Variants in DCDC1 observed in about 807,000 individuals in gnomAD.
DCDC1 encodes the protein doublecortin domain containing 1.
In DCDC1, 200 loss-of-function variants were observed where a neutral mutation model predicts 178.3. The ratio of observed to expected loss-of-function variants is 1.12; its 90% CI spans 1.00 to 1.26. The LOEUF (loss-of-function observed/expected upper bound fraction) is 1.26. Ranked by LOEUF, DCDC1 falls within the 50% of genes most tolerant of loss-of-function variation. The pLI is 0.00. For missense variants in DCDC1, 1,983 were observed against 1,749.2 expected (o/e 1.13, Z -2.38); for synonymous variants, 690 against 604.8 (o/e 1.14, Z -2.07).
intron 24 of DCDC1, 77 bp downstream of exon 24, chr11:30,922,424 CTT>C: frequency 7.1e-7 from 1 of 1,401,152 alleles, no homozygotes; most frequent in Non-Finnish European, 9.3e-7. Flanking sequence ...TTTAAACAAA[CTT>C]TGACTTTTTA....
chr11:30,871,931 T>C (rs1941619662), intron 38 of DCDC1, among the ~76,000 whole-genome samples: 1 of 151,868 alleles, frequency 6.6e-6, no homozygotes. Context: ...CATATATACA[T>C]ACACACACAC....
chr11:30,939,784 T>C (rs571589066), intron 21 of DCDC1, among the ~76,000 whole-genome samples: 47 of 152,244 alleles, frequency 3.1e-4, no homozygotes, highest in Non-Finnish European at 8.8e-5. Flanking sequence ...TGATTTATCA[T>C]GTCTTGAAAA....
intron 9 of DCDC1, among the ~76,000 whole-genome samples, chr11:31,222,764 TG>T (rs1013179310): frequency 1.2e-4 from 19 of 152,144 alleles, no homozygotes; most frequent in Non-Finnish European, 2.4e-4. Flanking sequence ...GTATGCTCTC[TG>T]GTGTCTTGCC....
intron 20 of DCDC1, among the ~76,000 whole-genome samples, chr11:31,058,887 T>C (rs1413740623): frequency 6.6e-6 from 1 of 152,134 alleles, no homozygotes; most frequent in Non-Finnish European, 1.5e-5. Flanking sequence ...CTCCTCTTTT[T>C]TCATCCATAT....
At chr11:31,075,314 C>G (rs113032502) in intron 18 of DCDC1, among the ~76,000 whole-genome samples, 5 of 152,020 alleles carry the variant, frequency 3.3e-5, no homozygotes, top group Non-Finnish European at 7.4e-5. Flanking sequence ...TAGGTTGATT[C>G]CCTATCTTTG....
In DCDC1 at chr11:31,107,000, TA is replaced by T. The variant is rs1565292354; in HGVS notation, c.1588-41del. The T allele has an allele frequency of 4.2e-6, 3 of 718,716 alleles. No individual in the cohort carries two copies. In the South Asian group the frequency reaches 4.5e-5, roughly 11 times the overall value. The allele number at this position is 718,716 out of a possible 1,614,324, so 44.5% of individuals were successfully genotyped here. A position where few individuals can be genotyped will look rare whatever the true frequency, so the allele number is the denominator to read the frequency against. On this transcript the variant is annotated intron_variant, in intron 12 of 38. Transcript: ENST00000684477. ...GAGGGGCAGAGGGGATAGAGGAGAATAAATAACCTAAAATGGGAACATCTGT... is the reference window on the plus strand; with the variant it reads ...GAGGGGCAGAGGGGATAGAGGAGAATAATAACCTAAAATGGGAACATCTGT...
intron 9 of DCDC1, among the ~76,000 whole-genome samples, chr11:31,180,578 TCAGCCGGG>T (rs937523255): frequency 2.0e-5 from 3 of 152,098 alleles, no homozygotes; most frequent in Non-Finnish European, 2.9e-5. Context: ...GGGCATTGCC[TCAGCCGGG>T]AAGCACAGAG....
intron 3 of DCDC1, among the ~76,000 whole-genome samples, chr11:31,324,232 A>G (rs1419895276): frequency 2.0e-5 from 3 of 152,078 alleles, no homozygotes; most frequent in Admixed American, 2.0e-4. Context: ...AAAAACTTCT[A>G]AAGAAGAAGA....
chr11:30,941,533 G>T (rs1238500396), intron 21 of DCDC1, among the ~76,000 whole-genome samples: 1 of 151,926 alleles, frequency 6.6e-6, no homozygotes, highest in Non-Finnish European at 1.5e-5. Context: ...TTGTTCTTCA[G>T]GTCTTTACTC....
chr11:31,278,038 A>G (rs942474768), intron 7 of DCDC1, among the ~76,000 whole-genome samples: 4 of 152,126 alleles, frequency 2.6e-5, no homozygotes, highest in Admixed American at 2.6e-4. Context: ...GTTCTTTATA[A>G]TAAGATCTGT....
intron 8 of DCDC1, among the ~76,000 whole-genome samples, chr11:31,259,205 T>C (rs558264102): frequency 2.6e-5 from 4 of 151,920 alleles, no homozygotes; most frequent in Non-Finnish European, 4.4e-5. Context: ...ACAAAAAAAT[T>C]AGCTGTGCAT....
At chr11:31,064,647 A>C (rs1956148819) in intron 19 of DCDC1, 21 bp from the exon 20 acceptor site, 1 of 764,064 alleles carries the variant, frequency 1.3e-6, no homozygotes, top group African/African-American at 1.7e-5. Context: ...AAATATAGGA[A>C]TCATGTAGCT....
chr11:31,248,382 C>G (rs1404170172), intron 8 of DCDC1, among the ~76,000 whole-genome samples: 1 of 151,960 alleles, frequency 6.6e-6, no homozygotes, highest in Non-Finnish European at 1.5e-5. Flanking sequence ...AAATAACATT[C>G]AAAAGCAAGC....
rs1470976942 is a variant in DCDC1 at position 30,915,601 on chromosome 11, C to T, written c.3563G>A (p.Gly1188Asp). Reference sequence around the variant, plus strand: ...CTCCATGCCTGATCGGAGATTGGGACCTTGAACCCCCAAGACTAGCTGAGG... The same window carrying T: ...CTCCATGCCTGATCGGAGATTGGGATCTTGAACCCCCAAGACTAGCTGAGG... ...AAPQLVLGVQ[G>D]PNLRSGMEVV... The change falls in exon 27 of 39, where the codon GGT (glycine) becomes GAT (aspartate). Residue 1188 changes from glycine to aspartate, a missense_variant. Physicochemically the swap from Gly to Asp is moderately conservative, Grantham distance 94. Transcript: ENST00000684477. 1.9e-6 allele frequency: 3 copies of T among 1,613,956 alleles called. No individual in the cohort carries two copies. Among genetic ancestry groups the T allele is most frequent in the South Asian group, 2.2e-5 (2 of 91,084 alleles).
At chr11:31,149,652 C>T (rs1187133042) in intron 9 of DCDC1, among the ~76,000 whole-genome samples, 6 of 151,924 alleles carry the variant, frequency 3.9e-5, no homozygotes, top group Non-Finnish European at 7.4e-5. Context: ...CGAGGGTCTG[C>T]GGCTTTATTC....
At chr11:30,878,838 A>G (rs1942385514) in intron 37 of DCDC1, 127 bp from the exon 38 acceptor site, 2 of 806,294 alleles carry the variant, frequency 2.5e-6, no homozygotes, top group Non-Finnish European at 3.7e-6. Flanking sequence ...GGGCTCTCTC[A>G]TTACAACTTT....
intron 20 of DCDC1, among the ~76,000 whole-genome samples, chr11:31,042,177 A>G (rs926676019): frequency 6.6e-6 from 1 of 152,234 alleles, no homozygotes; most frequent in African/African-American, 2.4e-5. Flanking sequence ...GAGATTCAAT[A>G]TTAGGATTCT....
chr11:30,868,529 G>T (rs1941231225), intron 38 of DCDC1, among the ~76,000 whole-genome samples: 1 of 151,996 alleles, frequency 6.6e-6, no homozygotes, highest in African/African-American at 2.4e-5. Context: ...AGGATTACAG[G>T]CATGAGCCAC....
chr11:31,299,695 G>A (rs903082905), intron 6 of DCDC1, among the ~76,000 whole-genome samples: 3 of 152,124 alleles, frequency 2.0e-5, no homozygotes, highest in Admixed American at 1.3e-4. Flanking sequence ...GTGACAACTT[G>A]TATGAAAAGC....
Sources: gnomAD v4.1 joint callset for allele counts (sites outside exome capture counted in the v4.1 genomes callset) on GRCh38, gnomAD v4.1.1 for gene constraint, MANE v1.5 for transcripts, NCBI Gene and HGNC (gene_info 2026-07-23, HGNC 2026-07-21) for gene names.